The following STARD13 variants were observed in gnomAD, a reference collection of about 807,000 sequenced individuals.
The protein encoded by STARD13 is StAR related lipid transfer domain containing 13.
STARD13 carries 62 observed loss-of-function variants against 106.4 expected under a neutral mutation model. That is an observed-to-expected ratio of 0.58 (90% CI 0.48 to 0.72). The LOEUF (loss-of-function observed/expected upper bound fraction) is 0.72. STARD13 is among the 30% of genes least tolerant of loss of function. The pLI, the probability that STARD13 is intolerant of heterozygous loss-of-function variation, is 0.00. For missense variants in STARD13, 1,387 were observed against 1,424.0 expected (o/e 0.97, Z 0.42); for synonymous variants, 565 against 553.0 (o/e 1.02, Z -0.31).
At chr13:33,133,845 G>C (rs1007726288) in intron 4 of STARD13, among the ~76,000 whole-genome samples, 38 of 151,990 alleles carry the variant, frequency 2.5e-4, no homozygotes, top group African/African-American at 9.2e-4. Flanking sequence ...GTTTTTTTAC[G>C]CACTTGGGAC....
chr13:33,186,867 A>ACTAC (rs1297691455), intron 1 of STARD13, among the ~76,000 whole-genome samples: 7 of 152,184 alleles, frequency 4.6e-5, no homozygotes, highest in Non-Finnish European at 1.0e-4. Context: ...ACACCACCAA[A>ACTAC]CTACCTGTTA....
chr13:33,126,137 G>C lies in STARD13; in HGVS notation c.2026C>G (p.Leu676Val). The C allele has an allele frequency of 6.2e-7, 1 of 1,614,224 alleles. No individual in the cohort carries two copies. The highest frequency in any genetic ancestry group is 8.5e-7 in the Non-Finnish European group (1 of 1,180,044). Residue 676 changes from leucine (L) to valine (V), a missense_variant, in exon 7 of 14, where the codon CTG (leucine) becomes GTG (valine). Coordinates refer to ENST00000336934, the MANE Select transcript of STARD13 (RefSeq NM_178006.4). ...IVHVQRTGQP[L>V]PQSIQQALRY... ...AGTGCTTGCTGAATACTTTGAGGCAGGGGCTGTCCCGTTCTTTGGACGTGG... is the reference window on the plus strand; with the variant it reads ...AGTGCTTGCTGAATACTTTGAGGCACGGGCTGTCCCGTTCTTTGGACGTGG...
intron 1 of STARD13, among the ~76,000 whole-genome samples, chr13:33,295,884 C>T (rs977701303): frequency 2.6e-5 from 4 of 151,770 alleles, no homozygotes; most frequent in Non-Finnish European, 5.9e-5. Flanking sequence ...ATGTGATACC[C>T]CTCCTTCAAT....
At chr13:33,551,541 T>G in the STARD13 span, among the ~76,000 whole-genome samples, 1 of 144,176 alleles carries the variant, frequency 6.9e-6, no homozygotes, top group Non-Finnish European at 1.5e-5. Flanking sequence ...CTATCTTCTG[T>G]CTACAAGAGA....
chr13:33,306,628 C>T (rs1386390089), intron 1 of STARD13, among the ~76,000 whole-genome samples: 2 of 151,986 alleles, frequency 1.3e-5, no homozygotes, highest in Non-Finnish European at 2.9e-5. Context: ...AACAAATTTA[C>T]AAGAAAAAAA....
chr13:33,312,608 T>C (rs1196251045), intron 1 of STARD13, among the ~76,000 whole-genome samples: 2 of 152,220 alleles, frequency 1.3e-5, no homozygotes, highest in African/African-American at 2.4e-5. Context: ...GTGTTTGGCA[T>C]GAATACTTTC....
the STARD13 span, among the ~76,000 whole-genome samples, chr13:33,589,408 T>C: frequency 6.6e-6 from 1 of 152,216 alleles, no homozygotes; most frequent in East Asian, 1.9e-4. Flanking sequence ...CAATTTTAGA[T>C]CTTTTCTGCT....
At chr13:33,423,679 G>C in the STARD13 span, among the ~76,000 whole-genome samples, 1 of 152,180 alleles carries the variant, frequency 6.6e-6, no homozygotes, top group African/African-American at 2.4e-5. Flanking sequence ...CAATAGCAAA[G>C]ACTTGGAACC....
intron 4 of STARD13, among the ~76,000 whole-genome samples, chr13:33,135,034 G>A (rs1297039982): frequency 6.6e-6 from 1 of 152,218 alleles, no homozygotes; most frequent in East Asian, 1.9e-4. Context: ...TTCTGCACTG[G>A]TCACATATAT....
the STARD13 span, among the ~76,000 whole-genome samples, chr13:33,581,913 C>G: frequency 6.6e-6 from 1 of 152,218 alleles, no homozygotes; most frequent in East Asian, 1.9e-4. Context: ...AACAGCACAG[C>G]AAACTACCAT....
At chr13:33,283,472 T>C (rs1355852076) in intron 1 of STARD13, among the ~76,000 whole-genome samples, 1 of 152,254 alleles carries the variant, frequency 6.6e-6, no homozygotes, top group Admixed American at 6.5e-5. Flanking sequence ...ATGCTGTAAC[T>C]GTTTAATCCA....
chr13:33,321,439 G>C (rs765635702), intron 1 of STARD13, among the ~76,000 whole-genome samples: 1 of 151,590 alleles, frequency 6.6e-6, no homozygotes, highest in Non-Finnish European at 1.5e-5. Flanking sequence ...CTGGGAGACG[G>C]AGGTTGCAGT....
At chr13:33,676,221 A>T in the STARD13 span, among the ~76,000 whole-genome samples, 1 of 152,296 alleles carries the variant, frequency 6.6e-6, no homozygotes, top group Non-Finnish European at 1.5e-5. Context: ...TCCCATGCCT[A>T]AGCAAGCAGG....
chr13:33,566,720 A>G, the STARD13 span, among the ~76,000 whole-genome samples: 2 of 147,818 alleles, frequency 1.4e-5, no homozygotes, highest in African/African-American at 5.0e-5. Context: ...AGAGAAACCT[A>G]GATTCCCAGT....
chr13:33,225,421 T>C (rs1357996129), intron 1 of STARD13, among the ~76,000 whole-genome samples: 1 of 152,234 alleles, frequency 6.6e-6, no homozygotes, highest in Non-Finnish European at 1.5e-5. Flanking sequence ...CTAACTTTTA[T>C]TTTTTAATTC....
At chr13:33,548,546 A>G in the STARD13 span, among the ~76,000 whole-genome samples, 1 of 152,178 alleles carries the variant, frequency 6.6e-6, no homozygotes, top group Non-Finnish European at 1.5e-5. Context: ...GGTTTTGCAA[A>G]CTCAGGACTC....
At chr13:33,240,418 A>C (rs1437980179) in intron 1 of STARD13, among the ~76,000 whole-genome samples, 1 of 152,144 alleles carries the variant, frequency 6.6e-6, no homozygotes, top group Non-Finnish European at 1.5e-5. Flanking sequence ...TCTGCAAAAT[A>C]AAAAAATCCC....
chr13:33,313,840 AC>A (rs1489112309), intron 1 of STARD13, among the ~76,000 whole-genome samples: 1 of 152,104 alleles, frequency 6.6e-6, no homozygotes, highest in Non-Finnish European at 1.5e-5. Flanking sequence ...GAAACCTCTT[AC>A]TTTTGCCTAG....
intron 1 of STARD13, among the ~76,000 whole-genome samples, chr13:33,223,700 G>A (rs950480655): frequency 3.3e-5 from 5 of 151,928 alleles, no homozygotes; most frequent in African/African-American, 9.7e-5. Context: ...GTAGTTAAAA[G>A]TGTGGGCTCT....
Sources: gnomAD v4.1 joint callset for allele counts (sites outside exome capture counted in the v4.1 genomes callset) on GRCh38, gnomAD v4.1.1 for gene constraint, MANE v1.5 for transcripts, NCBI Gene and HGNC (gene_info 2026-07-23, HGNC 2026-07-21) for gene names.